Variants in NUTM2E observed in about 807,000 individuals in gnomAD.
The protein encoded by NUTM2E is family with sequence similarity 22, member E.
Under a neutral mutation model 26.1 loss-of-function variants are expected in NUTM2E, and 3 were observed. The ratio of observed to expected loss-of-function variants is 0.12; its 90% confidence interval spans 0.05 to 0.30. The LOEUF is 0.30. Ranked by LOEUF, NUTM2E falls within the 10% of genes least tolerant of loss-of-function variation. The pLI is 1.00. For missense variants in NUTM2E, 62 were observed against 381.3 expected (o/e 0.16, Z 6.97); for synonymous variants, 13 against 157.5 (o/e 0.08, Z 6.87).
Position 79,849,248 on chromosome 10 carries a change from T to C in NUTM2E, c.1735-123T>C, listed in dbSNP as rs1282488907. On this transcript the variant is annotated intron_variant, in intron 8 of 9. Transcript: ENST00000429984. Reference sequence around the variant, plus strand: ...TGTCTGTAGCTGGTGGTCACCATGATATGAGACAGCCCCAGGAGGGTGGGG... The same window carrying C: ...TGTCTGTAGCTGGTGGTCACCATGACATGAGACAGCCCCAGGAGGGTGGGG... The C allele has an allele frequency of 4.7e-4, 127 of 269,760 alleles. 1 individual carries two copies. The highest frequency in any genetic ancestry group is 8.6e-4 in the Non-Finnish European group (119 of 139,070). 16.7% of individuals were successfully genotyped at this position (269,760 alleles called of 1,614,324 possible).
In NUTM2E at chr10:79,838,930, A is replaced by T. The variant is rs1020690656; in HGVS notation, c.-2299A>T. ...TCGCGCTGGAACCTCGCCCGCCTCAAGGCTCCTGCGGCGGCGCACAGGGCA... is the reference window on the plus strand; with the variant it reads ...TCGCGCTGGAACCTCGCCCGCCTCATGGCTCCTGCGGCGGCGCACAGGGCA... On this transcript the variant is annotated 5_prime_UTR_variant, in exon 3 of 10. The change creates a new upstream start codon in the 5' untranslated region. Coordinates refer to ENST00000429984, the MANE Select transcript of NUTM2E (RefSeq NM_001355263.2). 6.7e-6 allele frequency among the ~76,000 whole-genome samples: 1 copy of T among 149,132 alleles called. No individual in the cohort carries two copies. Among genetic ancestry groups the T allele is most frequent in the Non-Finnish European group, 1.5e-5 (1 of 67,010 alleles).
At chr10:79,836,409 A>G (rs1244568487) in intron 1 of NUTM2E, among the ~76,000 whole-genome samples, 1 of 151,954 alleles carries the variant, frequency 6.6e-6, no homozygotes, top group East Asian at 1.9e-4. Context: ...ATCTATGTAC[A>G]TGCAACTGAA....
At chr10:79,837,559 A>G (rs930408121) in intron 1 of NUTM2E, among the ~76,000 whole-genome samples, 2 of 152,146 alleles carry the variant, frequency 1.3e-5, no homozygotes, top group Non-Finnish European at 2.9e-5. Flanking sequence ...GGCTAATAAT[A>G]TCAGGTATTT....
At chr10:79,828,028 T>G (rs978049830) in intron 1 of NUTM2E, among the ~76,000 whole-genome samples, 32 of 151,302 alleles carry the variant, frequency 2.1e-4, no homozygotes, top group African/African-American at 7.3e-4. Flanking sequence ...CTCCCGACCT[T>G]AGGTGATACG....
At chr10:79,833,595 A>C (rs1469917793) in intron 1 of NUTM2E, among the ~76,000 whole-genome samples, 2 of 151,756 alleles carry the variant, frequency 1.3e-5, no homozygotes, top group Non-Finnish European at 2.9e-5. Context: ...GTGGCCAAAA[A>C]CGTGAAAAAA....
intron 1 of NUTM2E, among the ~76,000 whole-genome samples, chr10:79,834,025 G>A (rs1589306937): frequency 6.6e-6 from 1 of 151,850 alleles, no homozygotes; most frequent in Admixed American, 6.6e-5. Context: ...GGAATGCTAT[G>A]CAGCCATAAA....
At chr10:79,837,225 A>G (rs547367526) in intron 1 of NUTM2E, among the ~76,000 whole-genome samples, 152 of 152,034 alleles carry the variant, frequency 1.0e-3, no homozygotes, top group African/African-American at 3.5e-3. Flanking sequence ...CATACTTTGT[A>G]GACTATGTGA....
chr10:79,837,715 G>A (rs1013585068), intron 1 of NUTM2E, among the ~76,000 whole-genome samples: 6 of 152,000 alleles, frequency 3.9e-5, no homozygotes, highest in African/African-American at 1.4e-4. Context: ...TGATTCATCA[G>A]TGTGTGTATG....
chr10:79,831,022 C>G (rs1409996799), intron 1 of NUTM2E, among the ~76,000 whole-genome samples: 2 of 151,796 alleles, frequency 1.3e-5, no homozygotes, highest in Admixed American at 1.3e-4. Flanking sequence ...AGCCATAGAT[C>G]TCTTTTGACC....
At chr10:79,827,791 T>G (rs1448103874) in intron 1 of NUTM2E, among the ~76,000 whole-genome samples, 3 of 11,296 alleles carry the variant, frequency 2.7e-4, no homozygotes, top group African/African-American at 1.6e-3. Context: ...GTGGTTTTTT[T>G]TTTGTTTTTT....
chr10:79,833,863 A>G (rs2132414585), intron 1 of NUTM2E, among the ~76,000 whole-genome samples: 1 of 151,880 alleles, frequency 6.6e-6, no homozygotes, highest in Middle Eastern at 3.4e-3. Context: ...ATTACTGGGT[A>G]TATACCCAAA....
At chr10:79,832,014 A>C (rs1841930281) in intron 1 of NUTM2E, among the ~76,000 whole-genome samples, 1 of 124,730 alleles carries the variant, frequency 8.0e-6, no homozygotes, top group South Asian at 2.7e-4. Flanking sequence ...GACATGGCAG[A>C]GACTGAGAGA....
In NUTM2E at chr10:79,838,924, G is replaced by A. The variant is rs1399988184; in HGVS notation, c.-2305G>A. On this transcript the variant is annotated 5_prime_UTR_variant, in exon 3 of 10. Transcript: ENST00000429984. ...CCGGCCTCGCGCTGGAACCTCGCCC[G>A]CCTCAAGGCTCCTGCGGCGGCGCAC... Among the ~76,000 whole-genome samples the A allele has an allele frequency of 1.3e-4, 19 of 149,352 alleles. 1 individual carries two copies. The highest frequency in any genetic ancestry group is 2.0e-4 in the Admixed American group (3 of 15,028).
chr10:79,849,089 T>C (rs1382410086), intron 8 of NUTM2E, among the ~76,000 whole-genome samples, 194 bp downstream of exon 8: 1 of 109,712 alleles, frequency 9.1e-6, no homozygotes, highest in African/African-American at 2.9e-5. Context: ...TGTGTCTGTG[T>C]AGGTGTGAGT....
chr10:79,828,141 G>A (rs1841901246), intron 1 of NUTM2E, among the ~76,000 whole-genome samples: 1 of 151,316 alleles, frequency 6.6e-6, no homozygotes, highest in African/African-American at 2.4e-5. Flanking sequence ...TCAGAATGAG[G>A]CAACTGATTT....
intron 1 of NUTM2E, among the ~76,000 whole-genome samples, chr10:79,834,308 A>C (rs1841946802): frequency 6.6e-6 from 1 of 151,788 alleles, no homozygotes; most frequent in South Asian, 2.1e-4. Flanking sequence ...ATACCTATGT[A>C]ACAAGCCTGC....
intron 1 of NUTM2E, among the ~76,000 whole-genome samples, chr10:79,833,131 C>T: frequency 6.6e-6 from 1 of 151,944 alleles, no homozygotes; most frequent in Non-Finnish European, 1.5e-5. Flanking sequence ...AACATAGATG[C>T]AGAGAATTCT....
chr10:79,837,072 A>G (rs1296087070), intron 1 of NUTM2E, among the ~76,000 whole-genome samples: 1 of 151,956 alleles, frequency 6.6e-6, no homozygotes, highest in Non-Finnish European at 1.5e-5. Context: ...AGGATAGGGC[A>G]TGACTTCACT....
chr10:79,833,437 G>A (rs1841939258), intron 1 of NUTM2E, among the ~76,000 whole-genome samples: 1 of 150,522 alleles, frequency 6.6e-6, no homozygotes, highest in South Asian at 2.1e-4. Context: ...CCTACAGAAC[G>A]GGAAAAAAAT....
Sources: allele counts gnomAD v4.1 joint callset (sites outside exome capture counted in the v4.1 genomes callset), GRCh38; gene constraint gnomAD v4.1.1; transcripts MANE v1.5; gene names NCBI Gene and HGNC (gene_info 2026-07-23, HGNC 2026-07-21).